The following CCDC91 variants were observed in gnomAD, a reference collection of about 807,000 sequenced individuals.
CCDC91 encodes coiled-coil domain-containing protein 91.
CCDC91 carries 48 observed loss-of-function variants against 63.2 expected under a neutral mutation model. That is an observed-to-expected ratio of 0.76 (90% CI 0.60 to 0.97). The LOEUF is 0.97. Among genes scored for constraint, CCDC91 ranks in the 50% least tolerant of loss-of-function variants. The pLI is 0.00. For missense variants in CCDC91, 500 were observed against 494.6 expected (o/e 1.01, Z -0.10); for synonymous variants, 167 against 165.8 (o/e 1.01, Z -0.06).
intron 6 of CCDC91, among the ~76,000 whole-genome samples, chr12:28,347,764 A>G (rs542236699): frequency 6.6e-6 from 1 of 152,340 alleles, no homozygotes; most frequent in African/African-American, 2.4e-5. Context: ...GGTAGGGGAA[A>G]AAAAGATATT....
chr12:28,386,745 G>A (rs1366956408), intron 7 of CCDC91, among the ~76,000 whole-genome samples: 1 of 152,152 alleles, frequency 6.6e-6, no homozygotes, highest in Non-Finnish European at 1.5e-5. Context: ...ACAAATCTCT[G>A]ATAAAACTGT....
chr12:28,485,232 C>T (rs1592814063), intron 12 of CCDC91, among the ~76,000 whole-genome samples: 2 of 151,910 alleles, frequency 1.3e-5, no homozygotes, highest in East Asian at 3.9e-4. Context: ...GATCTCCGCT[C>T]ACTGTAACCT....
At chr12:28,367,720 C>G (rs1301275566) in intron 7 of CCDC91, among the ~76,000 whole-genome samples, 1 of 152,064 alleles carries the variant, frequency 6.6e-6, no homozygotes, top group African/African-American at 2.4e-5. Flanking sequence ...TATGCATCAG[C>G]TTGACTGGGC....
intron 3 of CCDC91, among the ~76,000 whole-genome samples, chr12:28,279,107 T>C (rs1475122525): frequency 6.6e-6 from 1 of 151,990 alleles, no homozygotes; most frequent in Non-Finnish European, 1.5e-5. Context: ...TCTTGCAAGC[T>C]CTGTGTCATA....
intron 1 of CCDC91, among the ~76,000 whole-genome samples, chr12:28,243,930 A>T (rs2135992883): frequency 6.6e-6 from 1 of 152,356 alleles, no homozygotes; most frequent in African/African-American, 2.4e-5. Flanking sequence ...AAAGCCCAGC[A>T]TAATCCTGAC....
intron 7 of CCDC91, among the ~76,000 whole-genome samples, chr12:28,375,214 A>T (rs150370089): frequency 9.9e-5 from 15 of 152,006 alleles, no homozygotes; most frequent in African/African-American, 3.6e-4. Flanking sequence ...TGTTGTGGGG[A>T]TGCAGTGAGA....
intron 1 of CCDC91, among the ~76,000 whole-genome samples, chr12:28,201,192 C>T (rs4760713): frequency 4.0e-5 from 6 of 150,906 alleles, no homozygotes; most frequent in East Asian, 2.0e-4. Context: ...ACTTCCCAGA[C>T]GGGGTGACTG....
At chr12:28,516,714 C>T (rs943020659) in intron 12 of CCDC91, among the ~76,000 whole-genome samples, 1 of 152,006 alleles carries the variant, frequency 6.6e-6, no homozygotes. Flanking sequence ...TTGCTGCATC[C>T]TCCCATGGCA....
intron 6 of CCDC91, among the ~76,000 whole-genome samples, chr12:28,312,090 G>T (rs1272007175): frequency 6.6e-6 from 1 of 151,888 alleles, no homozygotes; most frequent in Non-Finnish European, 1.5e-5. Context: ...TCTGGAAGTG[G>T]GATAGAAAGC....
intron 1 of CCDC91, among the ~76,000 whole-genome samples, chr12:28,195,873 G>A (rs1297460314): frequency 6.6e-6 from 1 of 152,180 alleles, no homozygotes; most frequent in Non-Finnish European, 1.5e-5. Flanking sequence ...GGGAGGTCAA[G>A]GTGGGAGGAT....
chr12:28,304,258 T>C (rs1938402208), intron 3 of CCDC91, among the ~76,000 whole-genome samples: 1 of 150,634 alleles, frequency 6.6e-6, no homozygotes, highest in African/African-American at 2.4e-5. Context: ...GTGCCTGTAA[T>C]CCCAGCTACT....
chr12:28,410,273 A>G (rs774363667), intron 8 of CCDC91, among the ~76,000 whole-genome samples: 2 of 152,134 alleles, frequency 1.3e-5, no homozygotes, highest in Non-Finnish European at 2.9e-5. Flanking sequence ...TTACTATGAA[A>G]TGCTCATCTC....
At chr12:28,528,064 C>A (rs373166267) in intron 12 of CCDC91, among the ~76,000 whole-genome samples, 2 of 152,166 alleles carry the variant, frequency 1.3e-5, no homozygotes, top group Non-Finnish European at 2.9e-5. Flanking sequence ...CCTTCTCCCC[C>A]CACCTGTGGA....
intron 12 of CCDC91, among the ~76,000 whole-genome samples, chr12:28,546,539 A>G (rs1365092583): frequency 1.3e-5 from 2 of 152,086 alleles, no homozygotes; most frequent in East Asian, 3.9e-4. Flanking sequence ...TGCCAACTAC[A>G]TATTCTTTGG....
intron 1 of CCDC91, among the ~76,000 whole-genome samples, chr12:28,200,439 C>T (rs1448463213): frequency 6.8e-6 from 1 of 146,018 alleles, no homozygotes; most frequent in East Asian, 2.0e-4. Context: ...CGGCCTTCCG[C>T]AGTGTTTGTG....
At chr12:28,422,403 T>G (rs191520510) in intron 8 of CCDC91, among the ~76,000 whole-genome samples, 1 of 152,184 alleles carries the variant, frequency 6.6e-6, no homozygotes, top group East Asian at 1.9e-4. Context: ...TCTTCTTAAT[T>G]TTGTATACAG....
At chr12:28,338,502 C>A (rs1253329689) in intron 6 of CCDC91, among the ~76,000 whole-genome samples, 1 of 151,934 alleles carries the variant, frequency 6.6e-6, no homozygotes, top group Non-Finnish European at 1.5e-5. Context: ...TCAGAAAGTA[C>A]AAAGATGTTT....
At chr12:28,301,465 A>G (rs916653928) in intron 3 of CCDC91, among the ~76,000 whole-genome samples, 1 of 151,324 alleles carries the variant, frequency 6.6e-6, no homozygotes, top group Non-Finnish European at 1.5e-5. Context: ...TCATTTTTTT[A>G]ATATTTTATT....
rs191672099 is a variant in CCDC91 at position 28,335,613 on chromosome 12, G to T, written c.577-26825G>T. Among the ~76,000 whole-genome samples, 479 of 151,350 alleles carry T rather than the reference G, an allele frequency of 3.2e-3. 4 individuals are homozygous for T. Among genetic ancestry groups the T allele is most frequent in the Middle Eastern group, 0.017 (5 of 292 alleles). ...TGTAGAGACTGAGCTTCCCTTTGTA[G>T]CCTGGCTTATCTCAAACTCTTGTCC... On this transcript the variant is annotated intron_variant, in intron 6 of 12. Coordinates refer to ENST00000536442, the MANE Select transcript of CCDC91 (RefSeq NM_018318.5).
Sources: allele counts gnomAD v4.1 joint callset (sites outside exome capture counted in the v4.1 genomes callset), GRCh38; gene constraint gnomAD v4.1.1; transcripts MANE v1.5; gene names NCBI Gene and HGNC (gene_info 2026-07-23, HGNC 2026-07-21).